Variants in ASAP1 observed in about 807,000 individuals in gnomAD.
The protein encoded by ASAP1 is arf-GAP with SH3 domain, ANK repeat and PH domain-containing protein 1.
In ASAP1, 43 loss-of-function variants were observed where a neutral mutation model predicts 145.2. The ratio of observed to expected loss-of-function variants is 0.30; its 90% CI spans 0.23 to 0.38. The LOEUF (loss-of-function observed/expected upper bound fraction) is 0.38, where lower values mean the gene tolerates loss of function less well. Among genes scored for constraint, ASAP1 ranks in the 10% least tolerant of loss-of-function variants. The probability of loss-of-function intolerance (pLI) is 1.00; values close to 1 mark genes in which losing one functional copy is unlikely to be tolerated. For missense variants in ASAP1, 1,018 were observed against 1,355.3 expected (o/e 0.75, Z 3.91); for synonymous variants, 546 against 515.5 (o/e 1.06, Z -0.80).
intron 1 of ASAP1, among the ~76,000 whole-genome samples, chr8:130,416,240 T>C (rs1357125246): frequency 1.3e-5 from 2 of 152,018 alleles, no homozygotes; most frequent in African/African-American, 4.8e-5. Context: ...GGAAGGCCCT[T>C]GAAAAATCCC....
intron 23 of ASAP1, among the ~76,000 whole-genome samples, chr8:130,113,736 C>A (rs2097550260): frequency 6.6e-6 from 1 of 151,698 alleles, no homozygotes; most frequent in African/African-American, 2.4e-5. Context: ...TGTAAGTTTT[C>A]TCTTCTGTAA....
chr8:130,382,285 CAAAAAA>C (rs35060121), intron 2 of ASAP1, among the ~76,000 whole-genome samples: 1 of 73,480 alleles, frequency 1.4e-5, no homozygotes, highest in African/African-American at 5.3e-5. Context: ...GATTCTGTCT[CAAAAAA>C]AAAAAAAAAA....
intron 3 of ASAP1, among the ~76,000 whole-genome samples, chr8:130,255,206 T>A (rs1355581063): frequency 1.3e-5 from 2 of 152,170 alleles, no homozygotes; most frequent in African/African-American, 4.8e-5. Flanking sequence ...ACAAGGCACT[T>A]AGGACACCTG....
chr8:130,218,213 T>C (rs1411193554), intron 4 of ASAP1, among the ~76,000 whole-genome samples: 1 of 152,088 alleles, frequency 6.6e-6, no homozygotes, highest in East Asian at 1.9e-4. Flanking sequence ...TCATCTGATA[T>C]CCTTTTCTGA....
rs1474937331 is a variant in ASAP1, at chr8:130,352,072, T to C, written c.186+5945A>G. On this transcript the variant is annotated intron_variant, in intron 3 of 29. Coordinates refer to ENST00000518721, the MANE Select transcript of ASAP1 (RefSeq NM_018482.4). ...AGCCTGGGCACAGAGCCTTGACTTGTGTGTGGGAGAGAAACATTATGGGAA... is the reference window on the plus strand; with the variant it reads ...AGCCTGGGCACAGAGCCTTGACTTGCGTGTGGGAGAGAAACATTATGGGAA... 2.6e-5 allele frequency among the ~76,000 whole-genome samples: 4 copies of C among 152,328 alleles called. No homozygotes were observed. In the South Asian group the frequency reaches 6.2e-4, roughly 24 times the overall value.
chr8:130,219,164 T>A (rs1264732968), intron 4 of ASAP1, among the ~76,000 whole-genome samples: 1 of 143,778 alleles, frequency 7.0e-6, no homozygotes, highest in East Asian at 2.1e-4. Context: ...GTCTGTAATA[T>A]CAAACAGAAT....
At chr8:130,313,474 A>G (rs1411094966) in intron 3 of ASAP1, among the ~76,000 whole-genome samples, 2 of 152,210 alleles carry the variant, frequency 1.3e-5, no homozygotes, top group African/African-American at 2.4e-5. Context: ...ACTGTTTTAA[A>G]TAATGCCTTC....
intron 2 of ASAP1, among the ~76,000 whole-genome samples, chr8:130,395,437 A>G (rs190192072): frequency 3.3e-5 from 5 of 152,342 alleles, no homozygotes; most frequent in Admixed American, 3.3e-4. Context: ...GCAATCCAGT[A>G]TGACTGCTGT....
At chr8:130,421,213 G>A (rs1829706154) in intron 1 of ASAP1, among the ~76,000 whole-genome samples, 1 of 152,196 alleles carries the variant, frequency 6.6e-6, no homozygotes, top group Non-Finnish European at 1.5e-5. Flanking sequence ...AAAAATCACA[G>A]TGTCTAGAGT....
At chr8:130,332,252 T>A (rs1225258648) in intron 3 of ASAP1, among the ~76,000 whole-genome samples, 1 of 152,196 alleles carries the variant, frequency 6.6e-6, no homozygotes. Flanking sequence ...GTGCTTGTTA[T>A]CATTACAGGT....
chr8:130,075,867 G>A (rs1235568906), intron 27 of ASAP1, among the ~76,000 whole-genome samples: 2 of 152,184 alleles, frequency 1.3e-5, no homozygotes, highest in African/African-American at 4.8e-5. Flanking sequence ...TCCTAGGGAA[G>A]GATTCCTTTG....
rs77813330 is a variant in ASAP1, at chr8:130,272,431, T to C, written c.187-35437A>G. The stretch of plus-strand genomic sequence containing the variant: ...AGTACAGTCGCTGTGAAAAAGAGTA[T>C]GGAGATCTCTCAAAAAACTAAAATA... On this transcript the variant is annotated intron_variant, in intron 3 of 29. Transcript: ENST00000518721. Among the ~76,000 whole-genome samples, 614 of 152,296 alleles carry C rather than the reference T, an allele frequency of 4.0e-3. 4 individuals are homozygous for C. The highest frequency in any genetic ancestry group is 9.4e-3 in the African/African-American group (390 of 41,562).
intron 3 of ASAP1, among the ~76,000 whole-genome samples, chr8:130,259,879 A>T (rs1819788104): frequency 6.6e-6 from 1 of 152,230 alleles, no homozygotes; most frequent in South Asian, 2.1e-4. Context: ...GAGGATAAAT[A>T]AATACTAAGG....
chr8:130,119,400 T>C (rs1185888956), intron 18 of ASAP1, among the ~76,000 whole-genome samples: 3 of 152,222 alleles, frequency 2.0e-5, no homozygotes, highest in Admixed American at 2.0e-4. Flanking sequence ...ATGGATAACA[T>C]GCCCAAAGTC....
At chr8:130,378,941 C>G (rs552459273) in intron 2 of ASAP1, among the ~76,000 whole-genome samples, 2 of 152,250 alleles carry the variant, frequency 1.3e-5, no homozygotes, top group East Asian at 3.9e-4. Flanking sequence ...ATTGTGGTAT[C>G]ATAAAAAATA....
rs183107865 is a variant in ASAP1 at position 130,389,866 on chromosome 8, A to G, written c.59+12019T>C. On this transcript the variant is annotated intron_variant, in intron 2 of 29. Transcript: ENST00000518721. ...TAGGTGTGTGCTACTATGCCCAGCT[A>G]AATTTTTTTTTCGTAGAGACAGGGT... is the stretch of plus-strand genomic sequence containing the variant. 2.0e-5 allele frequency among the ~76,000 whole-genome samples: 3 copies of G among 152,184 alleles called. No homozygotes were observed. The East Asian group carries it at 5.8e-4, about 29-fold the overall frequency.
chr8:130,424,434 G>C (rs773523086), intron 1 of ASAP1, among the ~76,000 whole-genome samples: 1 of 152,192 alleles, frequency 6.6e-6, no homozygotes. Flanking sequence ...CTTCAGCACC[G>C]CTGATTCAAA....
rs141466230 is a variant in ASAP1 at position 130,419,509 on chromosome 8, G to A, written c.-27-17539C>T. Among the ~76,000 whole-genome samples, 417 of 152,294 alleles carry A rather than the reference G, an allele frequency of 2.7e-3. 1 individual carries two copies. The highest frequency in any genetic ancestry group is 9.5e-3 in the African/African-American group (395 of 41,558). On this transcript the variant is annotated intron_variant, in intron 1 of 29. Coordinates refer to ENST00000518721, the MANE Select transcript of ASAP1 (RefSeq NM_018482.4). The stretch of plus-strand genomic sequence containing the variant: ...CCGATCTCACTACCAGTCTTGGGGA[G>A]ATGCCAACATAGGAAGGTCGAACCC...
intron 4 of ASAP1, among the ~76,000 whole-genome samples, chr8:130,233,302 C>G (rs949978466): frequency 5.9e-5 from 9 of 152,138 alleles, no homozygotes; most frequent in Admixed American, 6.5e-5. Flanking sequence ...CAGAGAGCTT[C>G]CCAGGTAGTA....
Sources: allele counts gnomAD v4.1 joint callset (sites outside exome capture counted in the v4.1 genomes callset), GRCh38; gene constraint gnomAD v4.1.1; transcripts MANE v1.5; gene names NCBI Gene and HGNC (gene_info 2026-07-23, HGNC 2026-07-21).